The following PDE3A variants were observed in gnomAD, a reference collection of about 807,000 sequenced individuals.
The protein encoded by PDE3A is cGMP-inhibited 3',5'-cyclic phosphodiesterase 3A.
PDE3A carries 43 observed loss-of-function variants against 98.3 expected under a neutral mutation model. The ratio of observed to expected loss-of-function variants is 0.44; its 90% CI spans 0.34 to 0.56. PDE3A has a LOEUF of 0.56. PDE3A is among the 20% of genes least tolerant of loss of function. PDE3A has a pLI of 0.01. For synonymous variants in PDE3A, 663 were observed against 567.9 expected (o/e 1.17, Z -2.38); for missense variants, 1,427 against 1,440.7 (o/e 0.99, Z 0.15).
intron 1 of PDE3A, among the ~76,000 whole-genome samples, chr12:20,515,012 A>G (rs937262721): frequency 4.9e-4 from 75 of 152,310 alleles, no homozygotes; most frequent in Non-Finnish European, 9.3e-4. Context: ...TTGCTGCATC[A>G]TCACATGGCA....
At chr12:20,608,648 A>G (rs1012411380) in intron 2 of PDE3A, among the ~76,000 whole-genome samples, 5 of 152,032 alleles carry the variant, frequency 3.3e-5, no homozygotes, top group African/African-American at 1.2e-4. Flanking sequence ...TTCTATATAT[A>G]CAAGAAATAC....
chr12:20,392,704 A>G (rs2120617038), intron 1 of PDE3A, among the ~76,000 whole-genome samples: 1 of 152,166 alleles, frequency 6.6e-6, no homozygotes, highest in East Asian at 1.9e-4. Flanking sequence ...ACTGTTCACA[A>G]TAGCTAAGAT....
intron 1 of PDE3A, among the ~76,000 whole-genome samples, chr12:20,400,348 T>A (rs565512961): frequency 4.0e-5 from 6 of 150,278 alleles, no homozygotes; most frequent in Non-Finnish European, 7.4e-5. Flanking sequence ...AGTCTTTTGT[T>A]ATAAAAGCTC....
At chr12:20,546,668 G>A (rs915775699) in intron 1 of PDE3A, among the ~76,000 whole-genome samples, 1 of 152,058 alleles carries the variant, frequency 6.6e-6, no homozygotes, top group African/African-American at 2.4e-5. Context: ...CAGAGTAAAT[G>A]TGGTTCTAAA....
intron 1 of PDE3A, among the ~76,000 whole-genome samples, chr12:20,430,045 T>C (rs1445291356): frequency 6.6e-6 from 1 of 152,156 alleles, no homozygotes; most frequent in African/African-American, 2.4e-5. Flanking sequence ...GTTAAACTCT[T>C]TTTTTTCCAT....
chr12:20,534,981 G>A (rs1468173172), intron 1 of PDE3A, among the ~76,000 whole-genome samples: 4 of 152,118 alleles, frequency 2.6e-5, no homozygotes, highest in South Asian at 2.1e-4. Flanking sequence ...ATAAAAAATG[G>A]TGTTTAACTC....
intron 1 of PDE3A, among the ~76,000 whole-genome samples, chr12:20,494,432 T>C (rs148821084): frequency 6.6e-6 from 1 of 152,320 alleles, no homozygotes; most frequent in African/African-American, 2.4e-5. Flanking sequence ...TATTGTAATG[T>C]GGTCAGAGAA....
intron 1 of PDE3A, among the ~76,000 whole-genome samples, chr12:20,387,537 A>G (rs1943834015): frequency 6.6e-6 from 1 of 152,044 alleles, no homozygotes; most frequent in Non-Finnish European, 1.5e-5. Context: ...GTCTTTGAAT[A>G]GTCTGACAAA....
In PDE3A at chr12:20,522,805, G is replaced by A. The variant is rs568186086; in HGVS notation, c.961-33855G>A. Among the ~76,000 whole-genome samples, 28 of 152,164 alleles carry A rather than the reference G, an allele frequency of 1.8e-4. No individual in the cohort carries two copies. The East Asian group carries it at 5.2e-3, about 28-fold the overall frequency. ...AGTAAGATGGGAAAAAATGAAATGG[G>A]GTGGGGCAGGGAAAAGCAGACTTTG... On this transcript the variant is annotated intron_variant, in intron 1 of 15. Coordinates refer to ENST00000359062, the MANE Select transcript of PDE3A (RefSeq NM_000921.5).
intron 12 of PDE3A, among the ~76,000 whole-genome samples, chr12:20,648,398 T>C (rs1177737421): frequency 6.6e-6 from 1 of 151,702 alleles, no homozygotes; most frequent in East Asian, 1.9e-4. Context: ...CAAAGAAATC[T>C]AAAGAAAAAA....
chr12:20,654,866 C>T (rs1385027990), intron 15 of PDE3A, among the ~76,000 whole-genome samples: 2 of 152,024 alleles, frequency 1.3e-5, no homozygotes, highest in African/African-American at 4.8e-5. Flanking sequence ...ACCATAAAGA[C>T]CAGTCATAGG....
intron 1 of PDE3A, among the ~76,000 whole-genome samples, chr12:20,381,111 A>G (rs1943656279): frequency 6.6e-6 from 1 of 151,834 alleles, no homozygotes; most frequent in Non-Finnish European, 1.5e-5. Flanking sequence ...TTTTACTTAA[A>G]TAACAATTAG....
At chr12:20,649,430 G>A (rs1441924403) in intron 13 of PDE3A, among the ~76,000 whole-genome samples, 1 of 152,060 alleles carries the variant, frequency 6.6e-6, no homozygotes, top group African/African-American at 2.4e-5. Context: ...ATTCTACTCT[G>A]TGCTACAGAG....
intron 1 of PDE3A, among the ~76,000 whole-genome samples, chr12:20,375,411 T>A (rs1186724162): frequency 6.6e-6 from 1 of 151,968 alleles, no homozygotes; most frequent in East Asian, 1.9e-4. Flanking sequence ...AGAATGTATG[T>A]TTGTGCTGTT....
Position 20,680,365 on chromosome 12 carries a change from T to A in PDE3A, c.*94T>A, listed in dbSNP as rs1450142499. 2 of 1,264,336 alleles carry A rather than the reference T, an allele frequency of 1.6e-6. No individual in the cohort carries two copies. Among genetic ancestry groups the A allele is most frequent in the Non-Finnish European group, 2.2e-6 (2 of 912,196 alleles). The allele number at this position is 1,264,336 out of a possible 1,614,324, so 78.3% of individuals were successfully genotyped here. A position where few individuals can be genotyped will look rare whatever the true frequency, so the allele number is the denominator to read the frequency against. On this transcript the variant is annotated 3_prime_UTR_variant, in exon 16 of 16. Coordinates refer to ENST00000359062, the MANE Select transcript of PDE3A (RefSeq NM_000921.5). Reference sequence around the variant, plus strand: ...CATTTAGACACAACACTGTAGAAATTTGAGATGGGCAAATGGCTATTGCAT... The same window carrying A: ...CATTTAGACACAACACTGTAGAAATATGAGATGGGCAAATGGCTATTGCAT...
At chr12:20,499,429 CT>C (rs1945981704) in intron 1 of PDE3A, among the ~76,000 whole-genome samples, 1 of 152,024 alleles carries the variant, frequency 6.6e-6, no homozygotes, top group African/African-American at 2.4e-5. Context: ...GAGGTTGTTC[CT>C]TGTATCTGTT....
chr12:20,458,112 A>C (rs1191824759), intron 1 of PDE3A, among the ~76,000 whole-genome samples: 10 of 138,678 alleles, frequency 7.2e-5, no homozygotes, highest in African/African-American at 2.5e-4. Context: ...GTTCATCTTC[A>C]CATAGATGCA....
chr12:20,556,748 C>T (rs369823591), intron 2 of PDE3A, 38 bp downstream of exon 2: 14 of 1,487,368 alleles, frequency 9.4e-6, no homozygotes, highest in South Asian at 2.3e-5. Context: ...CGTTTCGTTT[C>T]GTAACACTTT....
At chr12:20,461,943 G>A (rs2120929424) in intron 1 of PDE3A, among the ~76,000 whole-genome samples, 1 of 152,246 alleles carries the variant, frequency 6.6e-6, no homozygotes, top group Admixed American at 6.5e-5. Context: ...GGGAATGAAA[G>A]GAATACTGAA....
Sources: allele counts gnomAD v4.1 joint callset (sites outside exome capture counted in the v4.1 genomes callset), GRCh38; gene constraint gnomAD v4.1.1; transcripts MANE v1.5; gene names NCBI Gene and HGNC (gene_info 2026-07-23, HGNC 2026-07-21).